RNGTT: variants seen among roughly 807,000 people sequenced by gnomAD.
RNGTT encodes the protein RNA guanylyltransferase and 5'-phosphatase.
In RNGTT, 33 loss-of-function variants were observed where a neutral mutation model predicts 79.3. The observed-to-expected ratio is 0.42, with a 90% CI of 0.32 to 0.56. The LOEUF (loss-of-function observed/expected upper bound fraction) is 0.56, where lower values mean the gene tolerates loss of function less well. RNGTT is among the 20% of genes least tolerant of loss of function. The pLI is 0.17. For synonymous variants in RNGTT, 222 were observed against 235.9 expected (o/e 0.94, Z 0.54); for missense variants, 497 against 739.1 (o/e 0.67, Z 3.80).
chr6:88,644,440 C>G (rs1385897147), intron 14 of RNGTT, among the ~76,000 whole-genome samples: 1 of 152,084 alleles, frequency 6.6e-6, no homozygotes, highest in South Asian at 2.1e-4. Context: ...GGAGCTGGTA[C>G]CATTCCTTCT....
At chr6:88,886,149 C>CA (rs1562302309) in intron 8 of RNGTT, among the ~76,000 whole-genome samples, 1 of 151,964 alleles carries the variant, frequency 6.6e-6, no homozygotes, top group Non-Finnish European at 1.5e-5. Context: ...ACTAAAAATA[C>CA]AAAAAAATTA....
intron 14 of RNGTT, among the ~76,000 whole-genome samples, chr6:88,664,887 C>A (rs1267085450): frequency 6.6e-6 from 1 of 152,124 alleles, no homozygotes; most frequent in East Asian, 1.9e-4. Flanking sequence ...GTAGTGACCA[C>A]CCCGGTCGCC....
At chr6:88,631,686 T>G (rs1159369049) in intron 14 of RNGTT, among the ~76,000 whole-genome samples, 1 of 152,094 alleles carries the variant, frequency 6.6e-6, no homozygotes, top group Non-Finnish European at 1.5e-5. Flanking sequence ...TACCATCCCA[T>G]GTGTTTTTAT....
At chr6:88,752,019 C>A (rs1033314561) in intron 13 of RNGTT, among the ~76,000 whole-genome samples, 5 of 152,114 alleles carry the variant, frequency 3.3e-5, no homozygotes, top group East Asian at 3.9e-4. Flanking sequence ...ACCCTCCCCC[C>A]ATATTCTCTC....
rs190580569 is a variant in RNGTT, at chr6:88,612,018, A to G, written c.*701T>C. On this transcript the variant is annotated 3_prime_UTR_variant, in exon 16 of 16. Coordinates refer to ENST00000369485, the MANE Select transcript of RNGTT (RefSeq NM_003800.5). Reference sequence around the variant, plus strand: ...ACTCAAAACCACTGCCAGAATGGACACACTGGATATCTGATATCATAGTCG... The same window carrying G: ...ACTCAAAACCACTGCCAGAATGGACGCACTGGATATCTGATATCATAGTCG... The G allele has an allele frequency of 1.3e-5, 2 of 152,696 alleles. No homozygotes were observed. Among genetic ancestry groups the G allele is most frequent in the Non-Finnish European group, 2.9e-5 (2 of 68,042 alleles). 9.5% of individuals were successfully genotyped at this position (152,696 alleles called of 1,614,324 possible).
At chr6:88,681,982 T>A (rs1714732287) in intron 13 of RNGTT, among the ~76,000 whole-genome samples, 1 of 152,114 alleles carries the variant, frequency 6.6e-6, no homozygotes, top group Non-Finnish European at 1.5e-5. Flanking sequence ...CTTTCAATTT[T>A]CCAAACACAA....
intron 6 of RNGTT, among the ~76,000 whole-genome samples, chr6:88,897,541 C>G (rs1783293034): frequency 6.6e-6 from 1 of 152,098 alleles, no homozygotes; most frequent in Non-Finnish European, 1.5e-5. Flanking sequence ...TGAATTTATC[C>G]CATACTAAAA....
chr6:88,860,925 C>T (rs1781994845), intron 8 of RNGTT, among the ~76,000 whole-genome samples: 1 of 151,710 alleles, frequency 6.6e-6, no homozygotes, highest in Non-Finnish European at 1.5e-5. Flanking sequence ...ATGATGAAAT[C>T]CCACTGTAAT....
chr6:88,927,443 A>G (rs1162324920), intron 4 of RNGTT, among the ~76,000 whole-genome samples: 1 of 152,040 alleles, frequency 6.6e-6, no homozygotes, highest in Non-Finnish European at 1.5e-5. Flanking sequence ...CGGGCAGATC[A>G]CCTGAGGTTG....
At chr6:88,770,680 A>G (rs909502330) in intron 12 of RNGTT, among the ~76,000 whole-genome samples, 4 of 152,174 alleles carry the variant, frequency 2.6e-5, no homozygotes, top group African/African-American at 4.8e-5. Context: ...CACATGGCAA[A>G]TGCATGTTTA....
chr6:88,648,400 C>T (rs1000551978), intron 14 of RNGTT, among the ~76,000 whole-genome samples: 4 of 151,748 alleles, frequency 2.6e-5, no homozygotes, highest in Middle Eastern at 3.2e-3. Context: ...ATGCAGTACA[C>T]CAACATGGCA....
chr6:88,824,128 C>T (rs965636622), intron 11 of RNGTT, among the ~76,000 whole-genome samples: 3 of 152,134 alleles, frequency 2.0e-5, no homozygotes, highest in Non-Finnish European at 4.4e-5. Flanking sequence ...TACAGTTATG[C>T]ATCATTTAAC....
At chr6:88,880,419 T>C (rs1782659770) in intron 8 of RNGTT, among the ~76,000 whole-genome samples, 1 of 152,194 alleles carries the variant, frequency 6.6e-6, no homozygotes, top group Non-Finnish European at 1.5e-5. Flanking sequence ...ATTTTCCTTA[T>C]AAAGCAAGTC....
At chr6:88,872,987 C>T (rs917498667) in intron 8 of RNGTT, among the ~76,000 whole-genome samples, 3 of 151,892 alleles carry the variant, frequency 2.0e-5, no homozygotes, top group Admixed American at 6.6e-5. Context: ...CTCATACACA[C>T]AACACACAGG....
At chr6:88,962,348 C>T (rs1785658585) in intron 1 of RNGTT, among the ~76,000 whole-genome samples, 1 of 151,998 alleles carries the variant, frequency 6.6e-6, no homozygotes, top group Admixed American at 6.6e-5. Flanking sequence ...AAACAAAAAC[C>T]CGGCCAAGCG....
At chr6:88,777,605 A>G (rs1040284791) in intron 12 of RNGTT, among the ~76,000 whole-genome samples, 1 of 152,176 alleles carries the variant, frequency 6.6e-6, no homozygotes, top group African/African-American at 2.4e-5. Context: ...CTTTTCAGAT[A>G]GGCTGTTATC....
chr6:88,879,060 A>AG (rs1342776141), intron 8 of RNGTT, among the ~76,000 whole-genome samples: 1 of 152,186 alleles, frequency 6.6e-6, no homozygotes, highest in Admixed American at 6.5e-5. Context: ...AAGGGACCCA[A>AG]GCAAGCTATT....
chr6:88,639,894 A>T (rs1773244234), intron 14 of RNGTT, among the ~76,000 whole-genome samples: 6 of 152,134 alleles, frequency 3.9e-5, no homozygotes. Flanking sequence ...CATAGAGAGA[A>T]AAAAATAGTT....
At chr6:88,800,798 A>G (rs1779760067) in intron 12 of RNGTT, among the ~76,000 whole-genome samples, 1 of 152,206 alleles carries the variant, frequency 6.6e-6, no homozygotes, top group South Asian at 2.1e-4. Flanking sequence ...AGTAGGGCCA[A>G]TTATGTTCTC....
Sources: gnomAD v4.1 joint callset for allele counts (sites outside exome capture counted in the v4.1 genomes callset) on GRCh38, gnomAD v4.1.1 for gene constraint, MANE v1.5 for transcripts, NCBI Gene and HGNC (gene_info 2026-07-23, HGNC 2026-07-21) for gene names.